The following VEGFC variants were observed in gnomAD, a reference collection of about 807,000 sequenced individuals.
The protein encoded by VEGFC is vascular endothelial growth factor C, also known as FLT4 ligand DHM.
In VEGFC, 12 loss-of-function variants were observed where a neutral mutation model predicts 46.1. The observed-to-expected ratio is 0.26, with a 90% confidence interval of 0.17 to 0.42. The LOEUF (loss-of-function observed/expected upper bound fraction) is 0.42, where lower values mean the gene tolerates loss of function less well. VEGFC is among the 10% of genes least tolerant of loss of function. VEGFC has a pLI of 1.00. For missense variants in VEGFC, 488 were observed against 529.4 expected (o/e 0.92, Z 0.77); for synonymous variants, 232 against 195.5 (o/e 1.19, Z -1.56).
intron 1 of VEGFC, among the ~76,000 whole-genome samples, chr4:176,787,458 A>G (rs1184358266): frequency 1.3e-5 from 2 of 148,492 alleles, no homozygotes; most frequent in Non-Finnish European, 3.0e-5. Context: ...CCCTGTCTCA[A>G]AAAAAAAAAA....
chr4:176,687,903 G>T lies in VEGFC; in HGVS notation c.729C>A (p.Cys243Ter). 6.2e-7 allele frequency: 1 copy of T among 1,613,324 alleles called. No individual in the cohort carries two copies. Residue 243 changes from cysteine to a stop codon, truncating the protein, a stop_gained, in exon 5 of 7, where the codon TGC (cysteine) becomes TGA (stop). Transcript: ENST00000618562. LOFTEE classifies it high-confidence loss of function. ...GATTATTCCACATGTAATTGGTGGG[G>T]CAGGTCTTGTTCGCTGCCTGACACC... is the stretch of plus-strand genomic sequence containing the variant. ...LPQCQAANKT[C>*]PTNYMWNNHI...
intron 4 of VEGFC, among the ~76,000 whole-genome samples, chr4:176,700,217 G>A (rs1319408601): frequency 6.6e-6 from 1 of 152,168 alleles, no homozygotes; most frequent in African/African-American, 2.4e-5. Context: ...AGGAGTTTGA[G>A]ACAAGCCTGG....
intron 1 of VEGFC, among the ~76,000 whole-genome samples, chr4:176,742,663 T>C (rs1457089034): frequency 1.3e-5 from 2 of 152,036 alleles, no homozygotes; most frequent in Non-Finnish European, 2.9e-5. Context: ...ATAACTCTCT[T>C]GAAGGCTGTT....
At chr4:176,746,278 T>C (rs1302335670) in intron 1 of VEGFC, among the ~76,000 whole-genome samples, 1 of 152,060 alleles carries the variant, frequency 6.6e-6, no homozygotes, top group African/African-American at 2.4e-5. Context: ...AATTAACTCA[T>C]GCTAGGCCAA....
chr4:176,708,864 A>G (rs531414383), intron 4 of VEGFC, among the ~76,000 whole-genome samples: 1 of 152,306 alleles, frequency 6.6e-6, no homozygotes, highest in African/African-American at 2.4e-5. Flanking sequence ...GATACCAGAC[A>G]CTCTGCTAAG....
intron 1 of VEGFC, among the ~76,000 whole-genome samples, chr4:176,749,925 G>GA (rs1323951488): frequency 1.3e-5 from 2 of 151,078 alleles, no homozygotes; most frequent in Non-Finnish European, 3.0e-5. Context: ...CTTCATCTTT[G>GA]AAAAAAACCT....
intron 1 of VEGFC, among the ~76,000 whole-genome samples, chr4:176,740,347 T>TTATATATAGTTATATATATTC (rs1158461441): frequency 3.3e-5 from 4 of 119,604 alleles, no homozygotes; most frequent in Non-Finnish European, 6.5e-5. Context: ...AACTATATAT[T>TTATATATAGTTATATATATTC]TATATATAGT....
chr4:176,773,096 G>A (rs1204785863), intron 1 of VEGFC, among the ~76,000 whole-genome samples: 2 of 152,174 alleles, frequency 1.3e-5, no homozygotes, highest in Non-Finnish European at 2.9e-5. Context: ...CAAATCTACT[G>A]GGGATTTCAG....
intron 1 of VEGFC, among the ~76,000 whole-genome samples, chr4:176,790,677 A>G (rs2110961381): frequency 6.6e-6 from 1 of 152,314 alleles, no homozygotes; most frequent in South Asian, 2.1e-4. Flanking sequence ...AAAGTAAGTG[A>G]CCGTAACCAA....
At chr4:176,721,680 C>T (rs571030605) in intron 3 of VEGFC, among the ~76,000 whole-genome samples, 1 of 152,266 alleles carries the variant, frequency 6.6e-6, no homozygotes, top group Admixed American at 6.5e-5. Flanking sequence ...ATGATGATGT[C>T]ATTTACTAAG....
intron 4 of VEGFC, among the ~76,000 whole-genome samples, chr4:176,692,617 A>G (rs1438829341): frequency 7.1e-6 from 1 of 141,590 alleles, no homozygotes; most frequent in Non-Finnish European, 1.5e-5. Context: ...AACTGGGTGG[A>G]GCCCACCACA....
At chr4:176,700,914 G>T (rs1159075143) in intron 4 of VEGFC, among the ~76,000 whole-genome samples, 1 of 152,170 alleles carries the variant, frequency 6.6e-6, no homozygotes, top group East Asian at 1.9e-4. Context: ...GAGTTGATAT[G>T]ACATCAAAGT....
intron 1 of VEGFC, among the ~76,000 whole-genome samples, chr4:176,760,199 A>G (rs1289301003): frequency 6.6e-6 from 1 of 152,144 alleles, no homozygotes; most frequent in Non-Finnish European, 1.5e-5. Context: ...AAGAATGGTA[A>G]GTTTTAATGG....
At chr4:176,770,031 G>C (rs1189696578) in intron 1 of VEGFC, among the ~76,000 whole-genome samples, 1 of 151,936 alleles carries the variant, frequency 6.6e-6, no homozygotes, top group Non-Finnish European at 1.5e-5. Flanking sequence ...ATAATGCTTG[G>C]GAAGAAATTT....
intron 1 of VEGFC, among the ~76,000 whole-genome samples, chr4:176,739,395 T>C (rs967008627): frequency 2.0e-5 from 3 of 151,896 alleles, no homozygotes. Context: ...ATATACACTA[T>C]GGAAAACTAT....
chr4:176,734,278 A>G (rs920642138), intron 1 of VEGFC, among the ~76,000 whole-genome samples: 1 of 151,836 alleles, frequency 6.6e-6, no homozygotes, highest in Admixed American at 6.6e-5. Context: ...ATTAAATAAG[A>G]AAGTCACCAA....
chr4:176,792,250 C>T lies in VEGFC; in HGVS notation c.62G>A (p.Gly21Asp). The change falls in exon 1 of 7, where the codon GGT (glycine) becomes GAT (aspartate). Residue 21 changes from glycine (G) to aspartate (D), a missense_variant. Transcript: ENST00000618562. The surrounding 1 kb of genome is among the most constrained non-coding windows in gnomAD (Gnocchi z 6.3). ...CSLLAAALLP[G>D]PREAPAAAAA... ...GGCGGCGGCGGGCGCCTCGCGAGGA[C>T]CCGGGAGCAGCGCAGCGGCGAGCAG... 1.3e-6 allele frequency: 2 copies of T among 1,558,504 alleles called. No homozygotes were observed. Among genetic ancestry groups the T allele is most frequent in the South Asian group, 2.3e-5 (2 of 86,170 alleles).
At chr4:176,685,122 G>A (rs1734016149) in intron 6 of VEGFC, among the ~76,000 whole-genome samples, 1 of 152,180 alleles carries the variant, frequency 6.6e-6, no homozygotes, top group Non-Finnish European at 1.5e-5. Context: ...GACCTGAGGT[G>A]GAAATCAAAA....
At position 176,792,094 on chromosome 4, in the gene VEGFC, C is replaced by A; in HGVS notation, c.147+71G>T. On this transcript the variant is annotated intron_variant, in intron 1 of 6. Transcript: ENST00000618562. This position sits in a 1 kb window ranked among gnomAD's most constrained non-coding sequence, Gnocchi z 6.3. ...TAAAGCACACACACTTTCCCCCGCG[C>A]AGGTTCTCGGGTCCGCCGCAGACCC... The A allele has an allele frequency of 7.1e-7, 1 of 1,400,714 alleles. No individual in the cohort carries two copies. Among genetic ancestry groups the A allele is most frequent in the South Asian group, 1.8e-5 (1 of 56,006 alleles). 86.8% of individuals were successfully genotyped at this position (1,400,714 alleles called of 1,614,324 possible). A position where few individuals can be genotyped will look rare whatever the true frequency, so the allele number is the denominator to read the frequency against.
Sources: gnomAD v4.1 joint callset for allele counts (sites outside exome capture counted in the v4.1 genomes callset) on GRCh38, gnomAD v4.1.1 for gene constraint, Gnocchi (gnomAD v3.1) non-coding constraint, MANE v1.5 for transcripts, NCBI Gene and HGNC (gene_info 2026-07-23, HGNC 2026-07-21) for gene names.